SPMIP2: variants seen among roughly 807,000 people sequenced by gnomAD.
SPMIP2 encodes sperm microtubule inner protein 2, also known as protein SPMIP2.
At chr4:158,973,165 G>A in the SPMIP2 span, 2 of 1,613,112 alleles carry the variant, frequency 1.2e-6, no homozygotes, top group East Asian at 2.2e-5. Context: ...ACGTACTCAT[G>A]TTTATATTTT....
chr4:159,078,095 A>G, the SPMIP2 span, among the ~76,000 whole-genome samples: 1 of 152,222 alleles, frequency 6.6e-6, no homozygotes, highest in African/African-American at 2.4e-5. Context: ...CTAAACTTTG[A>G]TTTTATTTTT....
At chr4:158,924,501 TCC>T in the SPMIP2 span, among the ~76,000 whole-genome samples, 1 of 152,182 alleles carries the variant, frequency 6.6e-6, no homozygotes, top group South Asian at 2.1e-4. Flanking sequence ...TGCCTCAGCC[TCC>T]CAAGTAGCTG....
At chr4:158,965,587 A>T in the SPMIP2 span, among the ~76,000 whole-genome samples, 1 of 152,140 alleles carries the variant, frequency 6.6e-6, no homozygotes, top group African/African-American at 2.4e-5. Flanking sequence ...TTAGCTCTAC[A>T]ACTATGGCTT....
the SPMIP2 span, among the ~76,000 whole-genome samples, chr4:159,003,925 A>G: frequency 6.6e-6 from 1 of 152,200 alleles, no homozygotes; most frequent in Non-Finnish European, 1.5e-5. Context: ...CGACCAGATA[A>G]GAAAATGTTG....
At chr4:159,005,980 G>C in the SPMIP2 span, among the ~76,000 whole-genome samples, 1 of 152,190 alleles carries the variant, frequency 6.6e-6, no homozygotes, top group Non-Finnish European at 1.5e-5. Context: ...GGCCAGGCTG[G>C]TCTTGAACTT....
the SPMIP2 span, among the ~76,000 whole-genome samples, chr4:159,064,072 G>A: frequency 1.3e-5 from 2 of 152,126 alleles, no homozygotes; most frequent in Non-Finnish European, 2.9e-5. Context: ...TTGGCTGGGC[G>A]TGGTAGCTCA....
chr4:158,935,742 A>G, the SPMIP2 span, among the ~76,000 whole-genome samples: 2 of 152,226 alleles, frequency 1.3e-5, no homozygotes, highest in Non-Finnish European at 2.9e-5. Flanking sequence ...GAAATGGGGT[A>G]AGAAGATAAA....
At chr4:158,914,025 T>C in the SPMIP2 span, among the ~76,000 whole-genome samples, 1 of 152,104 alleles carries the variant, frequency 6.6e-6, no homozygotes, top group South Asian at 2.1e-4. Flanking sequence ...CTCTACAAAT[T>C]TGAAATCAAA....
At chr4:158,998,530 A>G in the SPMIP2 span, among the ~76,000 whole-genome samples, 2 of 152,208 alleles carry the variant, frequency 1.3e-5, no homozygotes, top group Non-Finnish European at 2.9e-5. Context: ...GCCAGTGTCA[A>G]TTTGGCCCCA....
At chr4:158,953,964 C>T in the SPMIP2 span, among the ~76,000 whole-genome samples, 1 of 152,214 alleles carries the variant, frequency 6.6e-6, no homozygotes, top group Non-Finnish European at 1.5e-5. Context: ...TTTGATTTTA[C>T]AGGCTCATAG....
chr4:158,980,952 C>A, the SPMIP2 span, among the ~76,000 whole-genome samples: 2 of 151,884 alleles, frequency 1.3e-5, no homozygotes, highest in Non-Finnish European at 1.5e-5. Context: ...CAAGGAAGAA[C>A]CTTGAAAAAA....
the SPMIP2 span, among the ~76,000 whole-genome samples, chr4:158,920,815 A>G: frequency 6.6e-6 from 1 of 152,170 alleles, no homozygotes; most frequent in African/African-American, 2.4e-5. Context: ...CTGTTCCCTC[A>G]GAAGCATGTG....
the SPMIP2 span, among the ~76,000 whole-genome samples, chr4:159,019,378 C>G: frequency 2.0e-5 from 3 of 151,506 alleles, no homozygotes; most frequent in Non-Finnish European, 2.9e-5. Context: ...AAGATTTCCT[C>G]GGAGTAGAGG....
chr4:158,910,922 A>G, the SPMIP2 span, among the ~76,000 whole-genome samples: 2 of 152,150 alleles, frequency 1.3e-5, no homozygotes, highest in Non-Finnish European at 2.9e-5. Context: ...TTCTCTGGAG[A>G]ACCCTGACTG....
chr4:158,982,002 A>G, the SPMIP2 span, among the ~76,000 whole-genome samples: 2 of 152,068 alleles, frequency 1.3e-5, no homozygotes, highest in Non-Finnish European at 2.9e-5. Context: ...CAAAGACACA[A>G]ATAGGCTCAA....
chr4:158,904,380 TAATA>T, the SPMIP2 span: 1 of 1,224,502 alleles, frequency 8.2e-7, no homozygotes, highest in Non-Finnish European at 1.2e-6. Context: ...TACCTAGAAA[TAATA>T]CTTTCTCATA....
At chr4:158,903,385 T>A in the SPMIP2 span, among the ~76,000 whole-genome samples, 30 of 152,280 alleles carry the variant, frequency 2.0e-4, no homozygotes, top group Admixed American at 7.8e-4. Flanking sequence ...TCTGCGTCGA[T>A]CTTGCTGGGA....
the SPMIP2 span, among the ~76,000 whole-genome samples, chr4:158,972,433 A>T: frequency 0.32 from 49,019 of 152,146 alleles, 8,036 homozygotes; most frequent in South Asian, 0.36. Context: ...GAGGAAATTC[A>T]GTTATTGCAT....
At chr4:158,897,700 G>A in the SPMIP2 span, among the ~76,000 whole-genome samples, 1 of 151,940 alleles carries the variant, frequency 6.6e-6, no homozygotes, top group South Asian at 2.1e-4. Flanking sequence ...TTTTTTTCTT[G>A]TAAATTTGTT....
Sources: allele counts gnomAD v4.1 joint callset (sites outside exome capture counted in the v4.1 genomes callset), GRCh38; gene constraint gnomAD v4.1.1; transcripts MANE v1.5; gene names NCBI Gene and HGNC (gene_info 2026-07-23, HGNC 2026-07-21).